The following ABCA6 variants were observed in gnomAD, a reference collection of about 807,000 sequenced individuals.
ABCA6 encodes ATP binding cassette subfamily A member 6.
Under a neutral mutation model 191.2 loss-of-function variants are expected in ABCA6, and 164 were observed. That is an observed-to-expected ratio of 0.86 (90% CI 0.76 to 0.98). ABCA6 has a LOEUF of 0.98. ABCA6 is among the 50% of genes least tolerant of loss of function. The pLI, the probability that ABCA6 is intolerant of heterozygous loss-of-function variation, is 0.00. For synonymous variants in ABCA6, 636 were observed against 647.7 expected (o/e 0.98, Z 0.27); for missense variants, 1,958 against 1,894.1 (o/e 1.03, Z -0.63).
At chr17:69,103,130 A>G (rs1709023176) in intron 20 of ABCA6, among the ~76,000 whole-genome samples, 162 bp from the exon 21 acceptor site, 3 of 152,184 alleles carry the variant, frequency 2.0e-5, no homozygotes, top group Non-Finnish European at 2.9e-5. Flanking sequence ...ACACTGTACC[A>G]TCTTCTATTT....
chr17:69,105,855 G>A (rs1460532077), intron 19 of ABCA6, 173 bp downstream of exon 19: 1 of 781,926 alleles, frequency 1.3e-6, no homozygotes, highest in East Asian at 2.7e-5. Context: ...GCACGTATAA[G>A]CTTAATCGAG....
At position 69,108,010 on chromosome 17, in the gene ABCA6, C is replaced by T. The variant is rs143175704; in HGVS notation, c.2273-198G>A. 10 of 492,950 alleles carry T rather than the reference C, an allele frequency of 2.0e-5. No homozygotes were observed. In the East Asian group the frequency reaches 3.5e-4, roughly 17 times the overall value. 30.5% of individuals were successfully genotyped at this position (492,950 alleles called of 1,614,324 possible). Reference sequence around the variant, plus strand: ...GACTAAGGAAGACCTCTTCCTCCATCCTCAAACTGTCTCACTTCATCTTCC... The same window carrying T: ...GACTAAGGAAGACCTCTTCCTCCATTCTCAAACTGTCTCACTTCATCTTCC... On this transcript the variant is annotated intron_variant, in intron 17 of 38. Coordinates refer to ENST00000284425, the MANE Select transcript of ABCA6 (RefSeq NM_080284.3).
At chr17:69,127,970 G>A (rs140634911) in intron 8 of ABCA6, among the ~76,000 whole-genome samples, 82 of 152,108 alleles carry the variant, frequency 5.4e-4, no homozygotes, top group African/African-American at 1.8e-3. Flanking sequence ...ACCTAAAAAC[G>A]TCATGTTGAA....
At chr17:69,114,718 G>T in intron 13 of ABCA6, 44 bp downstream of exon 13, 2 of 1,522,816 alleles carry the variant, frequency 1.3e-6, no homozygotes, top group Non-Finnish European at 1.8e-6. Context: ...GATTTAATTT[G>T]GTAAGTGGTT....
chr17:69,097,855 A>G (rs2073084378), intron 23 of ABCA6, 65 bp downstream of exon 23: 2 of 1,098,688 alleles, frequency 1.8e-6, no homozygotes, highest in Non-Finnish European at 2.6e-6. Flanking sequence ...CATTTTGAAC[A>G]CATAGCATTC....
rs1198575102 is a variant in ABCA6, at chr17:69,123,408, C to A, written c.1268-1G>T. 4.1e-6 allele frequency: 6 copies of A among 1,467,154 alleles called. No homozygotes were observed. The highest frequency in any genetic ancestry group is 5.5e-6 in the Non-Finnish European group (6 of 1,093,874). The allele number at this position is 1,467,154 out of a possible 1,614,324, so 90.9% of individuals were successfully genotyped here. A position where few individuals can be genotyped will look rare whatever the true frequency, so the allele number is the denominator to read the frequency against. ...GGAGAATAATGGCGCTCATCTCCAT[C>A]TAATTAACCAAGAGGCAACAAAATA... On this transcript the variant is annotated splice_acceptor_variant, in intron 9 of 38. Transcript: ENST00000284425. LOFTEE classifies it high-confidence loss of function.
chr17:69,130,510 A>G (rs2073843390), intron 6 of ABCA6, among the ~76,000 whole-genome samples: 1 of 152,146 alleles, frequency 6.6e-6, no homozygotes, highest in African/African-American at 2.4e-5. Flanking sequence ...ATCAATCAAC[A>G]ATATTATACA....
At chr17:69,095,112 GA>G in intron 25 of ABCA6, 1 of 209,540 alleles carries the variant, frequency 4.8e-6, no homozygotes, top group Non-Finnish European at 1.0e-5. Context: ...TGACTGAAAA[GA>G]AACCAACCAA....
In ABCA6 at chr17:69,085,053, C is replaced by T. The variant is rs2072745295; in HGVS notation, c.4159G>A (p.Ala1387Thr). The T allele has an allele frequency of 6.2e-7, 1 of 1,611,226 alleles. No homozygotes were observed. Among genetic ancestry groups the T allele is most frequent in the Non-Finnish European group, 8.5e-7 (1 of 1,179,360 alleles). ...CTTGCGATGGCGAGCCTCGCGTCCG[C>T]TTTCCTGAGCCCCTTGACGGCAGCA... The part of the protein sequence containing the change: ...VYAAVKGLRK[A>T]DARLAIARLV... The change falls in exon 32 of 39, where the codon GCG becomes ACG. Residue 1387 changes from alanine (A) to threonine (T), a missense_variant. By Grantham distance (58) the Ala-to-Thr change is moderately conservative. Coordinates refer to ENST00000284425, the MANE Select transcript of ABCA6 (RefSeq NM_080284.3).
chr17:69,131,231 A>G (rs1236855962), intron 6 of ABCA6, among the ~76,000 whole-genome samples: 1 of 152,214 alleles, frequency 6.6e-6, no homozygotes, highest in Non-Finnish European at 1.5e-5. Context: ...GCTGAAGCAT[A>G]TAGCACAAGT....
intron 17 of ABCA6, chr17:69,109,850 G>T (rs1400737100): frequency 6.6e-6 from 1 of 152,068 alleles, no homozygotes; most frequent in Admixed American, 6.6e-5. Context: ...GAGTAATGAT[G>T]CTGGCAATTT....
At chr17:69,130,979 T>C (rs1323142328) in intron 6 of ABCA6, among the ~76,000 whole-genome samples, 4 of 152,244 alleles carry the variant, frequency 2.6e-5, no homozygotes, top group Non-Finnish European at 2.9e-5. Context: ...CTAGTGTTGA[T>C]ATTTTTATGA....
chr17:69,091,405 C>T lies in ABCA6; in HGVS notation c.3409-143G>A, dbSNP rs1410406190. 4.7e-6 allele frequency: 4 copies of T among 843,660 alleles called. No homozygotes were observed. The East Asian group carries it at 1.2e-4, about 25-fold the overall frequency. 52.3% of individuals were successfully genotyped at this position (843,660 alleles called of 1,614,324 possible). The stretch of plus-strand genomic sequence containing the variant: ...TACCCATTTGACAATGATAGTTTCT[C>T]CTTTTAGAGACAATAGGGAAGAAGC... On this transcript the variant is annotated intron_variant, in intron 25 of 38. Coordinates refer to ENST00000284425, the MANE Select transcript of ABCA6 (RefSeq NM_080284.3).
chr17:69,088,166 C>A lies in ABCA6; in HGVS notation c.3698+1G>T, dbSNP rs1027860476. 1 of 1,609,218 alleles carries A rather than the reference C, an allele frequency of 6.2e-7. No individual in the cohort carries two copies. The highest frequency in any genetic ancestry group is 1.7e-5 in the Admixed American group (1 of 59,532). ...AGTATAAAGTTAAATTTCACCCCAA[C>A]CTGAAAACAGGATCTTTTCGCATTC... is the stretch of plus-strand genomic sequence containing the variant. On this transcript the variant is annotated splice_donor_variant, in intron 28 of 38. Coordinates refer to ENST00000284425, the MANE Select transcript of ABCA6 (RefSeq NM_080284.3). LOFTEE classifies it high-confidence loss of function.
intron 7 of ABCA6, among the ~76,000 whole-genome samples, chr17:69,129,305 C>G (rs1454016855): frequency 1.3e-5 from 2 of 152,110 alleles, no homozygotes; most frequent in Non-Finnish European, 2.9e-5. Context: ...TGGGTCCACC[C>G]CTCAAAAATA....
Position 69,117,318 on chromosome 17 carries a change from AT to A in ABCA6, c.1495+579del, listed in dbSNP as rs1435349489. On this transcript the variant is annotated intron_variant, in intron 11 of 38. Coordinates refer to ENST00000284425, the MANE Select transcript of ABCA6 (RefSeq NM_080284.3). ...ATCATTTTTATCCCTCCTAAAAATT[AT>A]TTTTAATAAAAGTAAATAGTCCTCC... 2.6e-5 allele frequency among the ~76,000 whole-genome samples: 4 copies of A among 152,148 alleles called. No homozygotes were observed. The East Asian group carries it at 7.7e-4, about 29-fold the overall frequency.
At chr17:69,124,446 T>C (rs1364919529) in intron 9 of ABCA6, among the ~76,000 whole-genome samples, 3 of 151,982 alleles carry the variant, frequency 2.0e-5, no homozygotes, top group African/African-American at 7.2e-5. Context: ...ATATGAACAA[T>C]ATATAAAACA....
chr17:69,080,975 A>T, intron 37 of ABCA6, 91 bp downstream of exon 37: 1 of 797,120 alleles, frequency 1.3e-6, no homozygotes, highest in South Asian at 2.2e-5. Context: ...GCCCTATTTT[A>T]AAAAATTGTT....
chr17:69,086,149 C>A (rs2072782388), intron 30 of ABCA6, among the ~76,000 whole-genome samples: 1 of 152,084 alleles, frequency 6.6e-6, no homozygotes, highest in African/African-American at 2.4e-5. Flanking sequence ...CCCCCCCAAC[C>A]CAAACTGACA....
Sources: allele counts gnomAD v4.1 joint callset (sites outside exome capture counted in the v4.1 genomes callset), GRCh38; gene constraint gnomAD v4.1.1; transcripts MANE v1.5; gene names NCBI Gene and HGNC (gene_info 2026-07-23, HGNC 2026-07-21).